ZYG11B: variants seen among roughly 807,000 people sequenced by gnomAD.
ZYG11B encodes the protein protein zyg-11 homolog B.
In ZYG11B, 36 loss-of-function variants were observed where a neutral mutation model predicts 82.4. The ratio of observed to expected loss-of-function variants is 0.44; its 90% confidence interval spans 0.33 to 0.58. The LOEUF (loss-of-function observed/expected upper bound fraction) is 0.58. ZYG11B is among the 20% of genes least tolerant of loss of function. The pLI, the probability that ZYG11B is intolerant of heterozygous loss-of-function variation, is 0.02. For synonymous variants in ZYG11B, 303 were observed against 312.8 expected (o/e 0.97, Z 0.33); for missense variants, 552 against 895.6 (o/e 0.62, Z 4.90).
Position 52,813,749 on chromosome 1 carries a change from A to G in ZYG11B, c.1893+16A>G, listed in dbSNP as rs773489818. 1.2e-6 allele frequency: 2 copies of G among 1,614,122 alleles called. No individual in the cohort carries two copies. The highest frequency in any genetic ancestry group is 2.2e-5 in the East Asian group (1 of 44,872). On this transcript the variant is annotated intron_variant, in intron 11 of 13. Coordinates refer to ENST00000294353, the MANE Select transcript of ZYG11B (RefSeq NM_024646.3). The stretch of plus-strand genomic sequence containing the variant: ...GGATGATTTGGTAGGGTCATTCCAT[A>G]CCAACAAAAGACATTCATAGTGGTT...
Position 52,796,946 on chromosome 1 carries a change from G to A in ZYG11B, c.1485+162G>A, listed in dbSNP as rs540334117. On this transcript the variant is annotated intron_variant, in intron 8 of 13. Coordinates refer to ENST00000294353, the MANE Select transcript of ZYG11B (RefSeq NM_024646.3). ...TATATAATTATATATTATATATAAT[G>A]TATAATTATATATTATATATAATAT... 6.7e-4 allele frequency among the ~76,000 whole-genome samples: 51 copies of A among 76,654 alleles called. No homozygotes were observed. The East Asian group carries it at 0.013, about 19-fold the overall frequency. 50.3% of individuals were successfully genotyped at this position (76,654 alleles called of 152,430 possible).
At chr1:52,749,144 A>G (rs909786098) in intron 1 of ZYG11B, among the ~76,000 whole-genome samples, 2 of 152,146 alleles carry the variant, frequency 1.3e-5, no homozygotes, top group Non-Finnish European at 2.9e-5. Context: ...TGGAGGTTGC[A>G]GTGAGCCGAG....
At chr1:52,783,078 C>A (rs762922455) in intron 4 of ZYG11B, among the ~76,000 whole-genome samples, 1 of 152,030 alleles carries the variant, frequency 6.6e-6, no homozygotes, top group Non-Finnish European at 1.5e-5. Flanking sequence ...AGGCACCTGC[C>A]ACCACGCCCA....
intron 1 of ZYG11B, among the ~76,000 whole-genome samples, chr1:52,741,203 C>T (rs1644426831): frequency 7.0e-6 from 1 of 141,992 alleles, no homozygotes; most frequent in South Asian, 2.2e-4. Context: ...GAGGCTAAGG[C>T]AGGAGTATTG....
chr1:52,808,975 A>G (rs1251877602), intron 10 of ZYG11B, among the ~76,000 whole-genome samples: 1 of 151,886 alleles, frequency 6.6e-6, no homozygotes, highest in African/African-American at 2.4e-5. Context: ...CCGTGTTACT[A>G]CTTTTTGAAT....
chr1:52,759,666 C>CT (rs1194362526), intron 2 of ZYG11B, among the ~76,000 whole-genome samples: 1 of 152,282 alleles, frequency 6.6e-6, no homozygotes, highest in East Asian at 1.9e-4. Context: ...TCATTTCCAT[C>CT]TTTAAACAGT....
chr1:52,769,409 A>C (rs1053061628), intron 2 of ZYG11B, among the ~76,000 whole-genome samples: 5 of 152,234 alleles, frequency 3.3e-5, no homozygotes, highest in Admixed American at 1.3e-4. Context: ...CCTGTAGTAT[A>C]TATAAAAAAT....
chr1:52,782,737 C>T (rs34542544), intron 4 of ZYG11B, among the ~76,000 whole-genome samples: 12,410 of 151,880 alleles, frequency 0.082, 880 homozygotes, highest in African/African-American at 0.19. Context: ...GCAACCACAC[C>T]GGGCTAATTT....
At chr1:52,802,838 G>GT (rs1323197321) in intron 10 of ZYG11B, among the ~76,000 whole-genome samples, 1 of 151,246 alleles carries the variant, frequency 6.6e-6, no homozygotes, top group South Asian at 2.1e-4. Flanking sequence ...GGCTAACACG[G>GT]TGAAACCCCG....
At chr1:52,748,670 C>G (rs1325584715) in intron 1 of ZYG11B, among the ~76,000 whole-genome samples, 2 of 152,064 alleles carry the variant, frequency 1.3e-5, no homozygotes, top group African/African-American at 4.8e-5. Context: ...CGAGAGTAGC[C>G]TGGCCAACAT....
intron 3 of ZYG11B, among the ~76,000 whole-genome samples, chr1:52,776,248 A>ATATATATATATATATATATAT (rs1425431576): frequency 2.6e-4 from 25 of 94,754 alleles, no homozygotes; most frequent in South Asian, 1.0e-3. Flanking sequence ...ATATATATGC[A>ATATATATATATATATATATAT]ATAAAGTTGG....
Position 52,820,573 on chromosome 1 carries a change from G to T in ZYG11B, c.2045-866G>T, listed in dbSNP as rs370591064. Among the ~76,000 whole-genome samples, 20 of 151,766 alleles carry T rather than the reference G, an allele frequency of 1.3e-4. No individual in the cohort carries two copies. The South Asian group carries it at 3.1e-3, about 24-fold the overall frequency. ...TGAGGAAGGAGAATTGCTTGAACCC[G>T]GGAGGCAGAGGTTGCAGTGAGCCAA... is the stretch of plus-strand genomic sequence containing the variant. On this transcript the variant is annotated intron_variant, in intron 13 of 13. Transcript: ENST00000294353.
chr1:52,770,943 A>G (rs1644744907), intron 2 of ZYG11B, 77 bp from the exon 3 acceptor site: 1 of 1,483,682 alleles, frequency 6.7e-7, no homozygotes, highest in African/African-American at 1.4e-5. Flanking sequence ...AGCGCTTTGG[A>G]AATGTAAAGT....
At chr1:52,814,165 C>T (rs747605200) in intron 12 of ZYG11B, among the ~76,000 whole-genome samples, 7 of 152,154 alleles carry the variant, frequency 4.6e-5, no homozygotes, top group Middle Eastern at 3.4e-3. Context: ...GGATTATAGG[C>T]GCCCACGACC....
chr1:52,726,929 C>T (rs1644289303), intron 1 of ZYG11B, among the ~76,000 whole-genome samples: 1 of 152,060 alleles, frequency 6.6e-6, no homozygotes, highest in Admixed American at 6.6e-5. Context: ...CTTTTTATCA[C>T]CCCCAGTGAC....
chr1:52,778,124 A>G (rs1283809663), intron 3 of ZYG11B, among the ~76,000 whole-genome samples: 1 of 152,178 alleles, frequency 6.6e-6, no homozygotes, highest in African/African-American at 2.4e-5. Flanking sequence ...TTATGACCCA[A>G]CTATTTAGGC....
At chr1:52,734,758 C>T (rs1274725466) in intron 1 of ZYG11B, among the ~76,000 whole-genome samples, 2 of 151,736 alleles carry the variant, frequency 1.3e-5, no homozygotes, top group African/African-American at 4.8e-5. Flanking sequence ...GATGGAGTTT[C>T]GCTCTTGTTG....
chr1:52,802,321 G>C (rs532571971), intron 10 of ZYG11B, among the ~76,000 whole-genome samples, 182 bp downstream of exon 10: 7 of 146,840 alleles, frequency 4.8e-5, no homozygotes, highest in African/African-American at 1.0e-4. Context: ...GTCTGCAATA[G>C]CAATTTCTTT....
intron 1 of ZYG11B, among the ~76,000 whole-genome samples, chr1:52,737,130 C>T (rs1340816107): frequency 3.3e-5 from 5 of 152,112 alleles, no homozygotes; most frequent in African/African-American, 9.7e-5. Flanking sequence ...GATCCACCCA[C>T]CTCGGCCTCC....
Sources: gnomAD v4.1 joint callset for allele counts (sites outside exome capture counted in the v4.1 genomes callset) on GRCh38, gnomAD v4.1.1 for gene constraint, MANE v1.5 for transcripts, NCBI Gene and HGNC (gene_info 2026-07-23, HGNC 2026-07-21) for gene names.